TLE4: variants seen among roughly 807,000 people sequenced by gnomAD.
The protein encoded by TLE4 is TLE family member 4, transcriptional corepressor.
In TLE4, 8 loss-of-function variants were observed where a neutral mutation model predicts 92.8. That is an observed-to-expected ratio of 0.09 (90% CI 0.05 to 0.16). The LOEUF is 0.16. Ranked by LOEUF, TLE4 falls within the 10% of genes least tolerant of loss-of-function variation. TLE4 has a pLI of 1.00. For synonymous variants in TLE4, 371 were observed against 374.1 expected (o/e 0.99, Z 0.10); for missense variants, 675 against 997.6 (o/e 0.68, Z 4.36).
At chr9:79,627,483 T>G (rs766862067) in intron 6 of TLE4, 35 bp downstream of exon 6, 1 of 1,601,156 alleles carries the variant, frequency 6.2e-7, no homozygotes, top group Non-Finnish European at 8.6e-7. Flanking sequence ...CTGATCTTAG[T>G]GTTTGTCATC....
chr9:79,719,708 C>T (rs1287758647), intron 15 of TLE4, among the ~76,000 whole-genome samples: 2 of 152,138 alleles, frequency 1.3e-5, no homozygotes, highest in African/African-American at 4.8e-5. Context: ...TTGGATACTC[C>T]AAGACTGTGA....
chr9:79,587,703 C>T (rs1196719791), intron 4 of TLE4, among the ~76,000 whole-genome samples: 1 of 152,174 alleles, frequency 6.6e-6, no homozygotes, highest in African/African-American at 2.4e-5. Flanking sequence ...CTAGAACCAT[C>T]TGCTGTGTTG....
chr9:79,659,453 C>A (rs961734996), intron 8 of TLE4, among the ~76,000 whole-genome samples: 1 of 150,850 alleles, frequency 6.6e-6, no homozygotes, highest in Non-Finnish European at 1.5e-5. Context: ...TAAAATAATT[C>A]TTTGATATCT....
At chr9:79,636,998 T>C (rs1295748558) in intron 6 of TLE4, among the ~76,000 whole-genome samples, 4 of 133,206 alleles carry the variant, frequency 3.0e-5, no homozygotes, top group Admixed American at 1.4e-4. Context: ...GCGCATGGAC[T>C]GGTAGAAAAT....
At chr9:79,594,494 AT>A (rs930157647) in intron 4 of TLE4, among the ~76,000 whole-genome samples, 1 of 151,120 alleles carries the variant, frequency 6.6e-6, no homozygotes, top group African/African-American at 2.4e-5. Flanking sequence ...ATGCATCTTT[AT>A]TTTTGTTTTT....
intron 6 of TLE4, among the ~76,000 whole-genome samples, chr9:79,643,077 G>T (rs1037017410): frequency 7.9e-5 from 12 of 152,050 alleles, no homozygotes; most frequent in Non-Finnish European, 8.8e-5. Flanking sequence ...TTTTTCTAGA[G>T]ATATTTGTTA....
At chr9:79,672,573 C>T (rs769605255) in intron 8 of TLE4, among the ~76,000 whole-genome samples, 31 of 152,126 alleles carry the variant, frequency 2.0e-4, no homozygotes, top group Non-Finnish European at 3.8e-4. Flanking sequence ...TCTTACCAAC[C>T]GCCAGACCTT....
chr9:79,627,726 G>A, intron 6 of TLE4: 1 of 381,400 alleles, frequency 2.6e-6, no homozygotes, highest in Non-Finnish European at 4.7e-6. Context: ...ATCAGCTTGT[G>A]TTGCTAACCT....
chr9:79,582,103 A>C (rs2039833392), intron 4 of TLE4, among the ~76,000 whole-genome samples: 1 of 152,114 alleles, frequency 6.6e-6, no homozygotes, highest in Admixed American at 6.6e-5. Context: ...GCTGTTTGTT[A>C]ATCACCATCT....
intron 5 of TLE4, among the ~76,000 whole-genome samples, chr9:79,623,699 GTTTTTTTTT>G (rs35464327): frequency 1.5e-5 from 2 of 137,298 alleles, no homozygotes; most frequent in East Asian, 2.1e-4. Context: ...CAATCTAAGG[GTTTTTTTTT>G]TTTTTTTTTA....
intron 14 of TLE4, among the ~76,000 whole-genome samples, chr9:79,713,635 C>A (rs1290885832): frequency 6.6e-6 from 1 of 152,128 alleles, no homozygotes; most frequent in Non-Finnish European, 1.5e-5. Flanking sequence ...TAAATTAGGT[C>A]CTCTTCCCAG....
chr9:79,572,967 A>G (rs1191589591), intron 1 of TLE4, 132 bp downstream of exon 1: 43 of 959,094 alleles, frequency 4.5e-5, no homozygotes, highest in Non-Finnish European at 6.2e-5. Context: ...CCGCGCCGGG[A>G]GCAGCCCGCC....
chr9:79,718,829 C>A lies in TLE4; in HGVS notation c.1448C>A (p.Thr483Asn). Reference protein sequence around the residue: ...GIPRHARQINTLNHGEVVCAV... With the variant: ...GIPRHARQINNLNHGEVVCAV... ...CCCCGGCATGCTCGCCAGATCAACA[C>A]CCTCAACCACGGGGAGGTGGTGTGC... Residue 483 changes from threonine to asparagine, a missense_variant, in exon 15 of 20, where the codon ACC becomes AAC. Physicochemically the swap from Thr to Asn is moderately conservative, Grantham distance 65 (BLOSUM62 0). Transcript: ENST00000376552. The A allele has an allele frequency of 1.9e-6, 3 of 1,614,182 alleles. No homozygotes were observed. Among genetic ancestry groups the A allele is most frequent in the Non-Finnish European group, 2.5e-6 (3 of 1,180,038 alleles).
chr9:79,576,801 A>G (rs1446883077), intron 4 of TLE4: 2 of 151,588 alleles, frequency 1.3e-5, no homozygotes, highest in Non-Finnish European at 2.9e-5. Flanking sequence ...CAATTAGTTC[A>G]GTAGCAAAAA....
chr9:79,696,468 T>C (rs76290667), intron 8 of TLE4, among the ~76,000 whole-genome samples: 4 of 152,318 alleles, frequency 2.6e-5, no homozygotes, highest in Non-Finnish European at 4.4e-5. Flanking sequence ...TTAAAACTTA[T>C]TAGGCAGCCT....
Position 79,708,238 on chromosome 9 carries a change from G to A in TLE4, c.1057G>A (p.Val353Ile). ...LRPVPGKPPG[V>I]DPLASSLRTP... The stretch of plus-strand genomic sequence containing the variant: ...GCCTGTACCTGGAAAACCACCAGGA[G>A]TTGACCCTTTGGGTTAGTAAGAAAA... Residue 353 changes from valine to isoleucine, a missense_variant, in exon 12 of 20, where the codon GTT becomes ATT. By Grantham distance (29) the Val-to-Ile change is conservative (BLOSUM62 3). Around this residue, in one of 5 missense-constraint regions of TLE4, gnomAD observed 280 missense variants for 287.3 expected, o/e 0.97. Transcript: ENST00000376552. The A allele has an allele frequency of 6.2e-7, 1 of 1,613,966 alleles. No homozygotes were observed. The highest frequency in any genetic ancestry group is 8.5e-7 in the Non-Finnish European group (1 of 1,179,980).
chr9:79,628,062 A>G (rs998219581), intron 6 of TLE4, among the ~76,000 whole-genome samples: 1 of 151,980 alleles, frequency 6.6e-6, no homozygotes, highest in African/African-American at 2.4e-5. Flanking sequence ...AGTCACTTCA[A>G]CTCTGCTTAT....
chr9:79,718,601 C>T (rs1278138392), intron 14 of TLE4, 121 bp from the exon 15 acceptor site: 30 of 1,372,042 alleles, frequency 2.2e-5, no homozygotes, highest in Admixed American at 1.3e-4. Flanking sequence ...TGGACAAATT[C>T]GATTTGTTCG....
chr9:79,656,408 T>A (rs1348889742), intron 8 of TLE4, among the ~76,000 whole-genome samples: 1 of 152,200 alleles, frequency 6.6e-6, no homozygotes, highest in Non-Finnish European at 1.5e-5. Context: ...GAACGTGACA[T>A]AAATTTCCTT....
Sources: allele counts gnomAD v4.1 joint callset (sites outside exome capture counted in the v4.1 genomes callset), GRCh38; gene constraint gnomAD v4.1.1; regional missense constraint gnomAD v4.1.1; transcripts MANE v1.5; gene names NCBI Gene and HGNC (gene_info 2026-07-23, HGNC 2026-07-21).